FAAH2: variants seen among roughly 807,000 people sequenced by gnomAD.
FAAH2 encodes the protein fatty-acid amide hydrolase 2.
FAAH2 carries 60 observed loss-of-function variants against 36.9 expected under a neutral mutation model. The observed-to-expected ratio is 1.63, with a 90% CI of 1.32 to 2.02. The LOEUF is 2.02. Among genes scored for constraint, FAAH2 ranks in the 30% most tolerant of loss-of-function variants. The probability of loss-of-function intolerance (pLI) is 0.00; values close to 1 mark genes in which losing one functional copy is unlikely to be tolerated. For missense variants in FAAH2, 689 were observed against 397.5 expected (o/e 1.73, Z -6.23); for synonymous variants, 214 against 143.8 (o/e 1.49, Z -3.49).
chrX:57,178,595 C>T, the FAAH2 span, among the ~76,000 whole-genome samples: 1 of 111,851 alleles, frequency 8.9e-6, no homozygotes, highest in East Asian at 2.8e-4. Context: ...CAAGTCCACA[C>T]TCTGGCTCCT....
the FAAH2 span, among the ~76,000 whole-genome samples, chrX:57,224,957 C>A: frequency 1.8e-5 from 2 of 111,979 alleles, no homozygotes; most frequent in Non-Finnish European, 3.8e-5. Context: ...CCTGAATGAT[C>A]TTTTGTATTT....
chrX:57,196,430 A>G, the FAAH2 span, among the ~76,000 whole-genome samples: 2 of 111,849 alleles, frequency 1.8e-5, no homozygotes, highest in African/African-American at 6.5e-5. Flanking sequence ...AAACTTCACT[A>G]AATTCATTTA....
intron 7 of FAAH2, among the ~76,000 whole-genome samples, chrX:57,427,163 A>G (rs1221611677): frequency 9.0e-6 from 1 of 110,819 alleles, no homozygotes; most frequent in Non-Finnish European, 1.9e-5. Flanking sequence ...TTCTGGAAAC[A>G]TACGACCTCC....
At chrX:57,484,172 A>G (rs767105824) in intron 10 of FAAH2, among the ~76,000 whole-genome samples, 1 of 110,638 alleles carries the variant, frequency 9.0e-6, no homozygotes, top group Non-Finnish European at 1.9e-5. Flanking sequence ...TAAGGGTAAG[A>G]CACAGATGTG....
chrX:57,384,951 G>GA (rs1489854098), intron 7 of FAAH2, among the ~76,000 whole-genome samples: 2 of 111,538 alleles, frequency 1.8e-5, no homozygotes, highest in Non-Finnish European at 3.8e-5. Flanking sequence ...TATGCAGCCA[G>GA]AAAAAATGAT....
At chrX:57,159,874 G>T in the FAAH2 span, among the ~76,000 whole-genome samples, 16 of 111,371 alleles carry the variant, frequency 1.4e-4, no homozygotes, top group Admixed American at 3.8e-4. Flanking sequence ...TCCAACACTA[G>T]TTGAATAGGA....
intron 7 of FAAH2, among the ~76,000 whole-genome samples, chrX:57,386,835 G>A (rs2055036425): frequency 8.9e-6 from 1 of 112,268 alleles, no homozygotes; most frequent in African/African-American, 3.2e-5. Flanking sequence ...CAGTGTTGCA[G>A]ACCTCATCAC....
At chrX:57,439,081 T>C (rs1308977605) in intron 8 of FAAH2, among the ~76,000 whole-genome samples, 1 of 111,001 alleles carries the variant, frequency 9.0e-6, no homozygotes, top group Admixed American at 9.6e-5. Flanking sequence ...TGTGTCTTTA[T>C]AGTAGCATGA....
At chrX:57,447,064 A>G (rs1044220137) in intron 9 of FAAH2, 25 bp downstream of exon 9, 1 of 1,075,157 alleles carries the variant, frequency 9.3e-7, no homozygotes. Flanking sequence ...TTCTACCTAG[A>G]CCAGTTTGAT....
the FAAH2 span, among the ~76,000 whole-genome samples, chrX:57,213,166 C>T: frequency 9.0e-6 from 1 of 111,336 alleles, no homozygotes; most frequent in Non-Finnish European, 1.9e-5. Flanking sequence ...TTTGTAGTAT[C>T]AGTTGTAATG....
chrX:57,270,885 C>T, the FAAH2 span, among the ~76,000 whole-genome samples: 42 of 112,235 alleles, frequency 3.7e-4, no homozygotes, highest in Non-Finnish European at 1.9e-5. Flanking sequence ...GTTTCAAGCA[C>T]AAAACTGGGT....
At chrX:57,471,420 G>C (rs1046655827) in intron 10 of FAAH2, among the ~76,000 whole-genome samples, 18 of 111,752 alleles carry the variant, frequency 1.6e-4, no homozygotes, top group Non-Finnish European at 2.6e-4. Flanking sequence ...ACATCAATGT[G>C]CAAAAATCAC....
chrX:57,454,038 G>C (rs999662165), intron 10 of FAAH2, among the ~76,000 whole-genome samples: 1 of 111,114 alleles, frequency 9.0e-6, no homozygotes, highest in Non-Finnish European at 1.9e-5. Context: ...CCAAAGCCCA[G>C]GAGCCATCTA....
the FAAH2 span, among the ~76,000 whole-genome samples, chrX:57,141,093 T>A: frequency 8.9e-6 from 1 of 112,399 alleles, no homozygotes; most frequent in African/African-American, 3.2e-5. Flanking sequence ...TGACCTTTAT[T>A]CTTTTGAGAT....
In FAAH2 at chrX:57,417,614, C is replaced by T. The variant is rs760015693; in HGVS notation, c.997-14304C>T. On this transcript the variant is annotated intron_variant, in intron 7 of 10. Coordinates refer to ENST00000374900, the MANE Select transcript of FAAH2 (RefSeq NM_174912.4). Reference sequence around the variant, plus strand: ...TCTTTCCCTGGAAGCTTTCTCTCAGCGGGGCAACTTCCAGATGCCAGCCAC... The same window carrying T: ...TCTTTCCCTGGAAGCTTTCTCTCAGTGGGGCAACTTCCAGATGCCAGCCAC... Among the ~76,000 whole-genome samples, 34 of 111,713 alleles carry T rather than the reference C, an allele frequency of 3.0e-4. 1 individual carries two copies. Among genetic ancestry groups the T allele is most frequent in the South Asian group, 2.6e-3 (7 of 2,643 alleles).
At chrX:57,220,926 C>G in the FAAH2 span, among the ~76,000 whole-genome samples, 4 of 112,148 alleles carry the variant, frequency 3.6e-5, no homozygotes, top group African/African-American at 1.3e-4. Context: ...TGCCCTGGAA[C>G]AGACACCCTG....
chrX:57,282,847 A>G (rs2051766427), upstream of FAAH2, among the ~76,000 whole-genome samples: 1 of 111,735 alleles, frequency 8.9e-6, no homozygotes, highest in Admixed American at 9.5e-5. Context: ...CTCCTCTCCC[A>G]CAGAAGTGCT....
At chrX:57,250,106 A>G in the FAAH2 span, among the ~76,000 whole-genome samples, 1 of 112,134 alleles carries the variant, frequency 8.9e-6, no homozygotes, top group Admixed American at 9.5e-5. Flanking sequence ...TTATTTTGAC[A>G]TATCCTTGCA....
At chrX:57,326,395 G>T (rs1311261856) in intron 3 of FAAH2, among the ~76,000 whole-genome samples, 1 of 114,491 alleles carries the variant, frequency 8.7e-6, no homozygotes, top group Non-Finnish European at 1.9e-5. Flanking sequence ...GGATATCCTT[G>T]TTAACTTTCT....
Sources: allele counts gnomAD v4.1 joint callset (sites outside exome capture counted in the v4.1 genomes callset), GRCh38; gene constraint gnomAD v4.1.1; transcripts MANE v1.5; gene names NCBI Gene and HGNC (gene_info 2026-07-23, HGNC 2026-07-21).